BANP: variants seen among roughly 807,000 people sequenced by gnomAD.
BANP encodes BTG3 associated nuclear protein, also known as protein BANP.
In BANP, 11 loss-of-function variants were observed where a neutral mutation model predicts 68.1. That is an observed-to-expected ratio of 0.16 (90% CI 0.10 to 0.27). The LOEUF (loss-of-function observed/expected upper bound fraction) is 0.27, where lower values mean the gene tolerates loss of function less well. Ranked by LOEUF, BANP falls within the 10% of genes least tolerant of loss-of-function variation. BANP has a pLI of 1.00. For synonymous variants in BANP, 329 were observed against 303.2 expected (o/e 1.09, Z -0.88); for missense variants, 504 against 722.7 (o/e 0.70, Z 3.47).
At chr16:88,006,029 C>T in intron 5 of BANP, 61 bp from the exon 6 acceptor site, 8 of 1,608,912 alleles carry the variant, frequency 5.0e-6, no homozygotes, top group East Asian at 2.2e-5. Context: ...AAAGCGCTGA[C>T]CTTCGCGTGC....
At chr16:87,961,469 C>G (rs2059142673) in intron 1 of BANP, among the ~76,000 whole-genome samples, 2 of 148,606 alleles carry the variant, frequency 1.3e-5, no homozygotes, top group African/African-American at 4.9e-5. Context: ...CCTGGTGAGG[C>G]TGCCTTTTTG....
chr16:87,950,389 C>G (rs2056697754), upstream of BANP: 1 of 151,974 alleles, frequency 6.6e-6, no homozygotes, highest in Non-Finnish European at 1.5e-5. Flanking sequence ...TGTGATTACC[C>G]ACAAACGCAC....
intron 7 of BANP, among the ~76,000 whole-genome samples, chr16:88,024,124 G>T (rs1398991345): frequency 2.0e-5 from 3 of 152,208 alleles, no homozygotes; most frequent in African/African-American, 7.2e-5. Flanking sequence ...GGCTGCAGGT[G>T]CCTTGGGCTG....
intron 1 of BANP, among the ~76,000 whole-genome samples, chr16:87,967,003 A>T (rs533500383): frequency 3.2e-4 from 48 of 152,216 alleles, no homozygotes; most frequent in African/African-American, 1.0e-3. Context: ...CACCAGCGGG[A>T]GGAGGAGCAC....
intron 11 of BANP, among the ~76,000 whole-genome samples, chr16:88,050,384 G>T (rs576394461): frequency 6.6e-6 from 1 of 152,134 alleles, no homozygotes; most frequent in African/African-American, 2.4e-5. Flanking sequence ...TTGAACTCCC[G>T]GGCTTAAGGA....
At chr16:88,008,644 A>G (rs927784327) in intron 6 of BANP, among the ~76,000 whole-genome samples, 1 of 152,346 alleles carries the variant, frequency 6.6e-6, no homozygotes, top group East Asian at 1.9e-4. Context: ...CTGTATCTAT[A>G]AGGAAAAATA....
At chr16:87,991,789 A>T (rs1598198016) in intron 4 of BANP, among the ~76,000 whole-genome samples, 2 of 152,096 alleles carry the variant, frequency 1.3e-5, no homozygotes, top group Admixed American at 6.5e-5. Context: ...TTTCTGTAGG[A>T]TTTTTTTAAA....
At chr16:88,070,550 A>T (rs549153408) in intron 12 of BANP, among the ~76,000 whole-genome samples, 115 of 152,236 alleles carry the variant, frequency 7.6e-4, no homozygotes, top group African/African-American at 2.6e-3. Flanking sequence ...TGTGCTCGCA[A>T]GTCGTGGCTG....
intron 8 of BANP, among the ~76,000 whole-genome samples, chr16:88,029,306 CAAAAAA>C (rs59989652): frequency 0.01 from 573 of 55,814 alleles, 2 homozygotes; most frequent in Middle Eastern, 0.048. Flanking sequence ...GACTGTATCT[CAAAAAA>C]AAAAAAAAAA....
At position 88,057,174 on chromosome 16, in the gene BANP, G is replaced by A. The variant is rs1206220867; in HGVS notation, c.1312-8093G>A. 1.3e-5 allele frequency among the ~76,000 whole-genome samples: 2 copies of A among 152,192 alleles called. No homozygotes were observed. The highest frequency in any genetic ancestry group is 1.5e-5 in the Non-Finnish European group (1 of 68,030). ...GCCTTTTCTGGTGGGCGGGCCTGCC[G>A]TGTTGTGGTGGGGAGCGACTTCACA... On this transcript the variant is annotated intron_variant, in intron 11 of 13. Transcript: ENST00000682872. The surrounding 1 kb of genome is among the most constrained non-coding windows in gnomAD (Gnocchi z 4.6).
Position 88,018,135 on chromosome 16 carries a change from G to C in BANP, c.656-293G>C, listed in dbSNP as rs2075016025. On this transcript the variant is annotated intron_variant, in intron 6 of 13. Transcript: ENST00000682872. The surrounding 1 kb of genome is among the most constrained non-coding windows in gnomAD (Gnocchi z 7.7). ...CGGTATTGCTGGGGTCCCGGGTCCA[G>C]GGTGAGCAGAGTGTGTGACCGTGTT... Among the ~76,000 whole-genome samples the C allele has an allele frequency of 6.6e-6, 1 of 152,110 alleles. No individual in the cohort carries two copies. Among genetic ancestry groups the C allele is most frequent in the African/African-American group, 2.4e-5 (1 of 41,418 alleles).
At chr16:88,045,209 G>C (rs1567857484) in intron 11 of BANP, among the ~76,000 whole-genome samples, 1 of 152,198 alleles carries the variant, frequency 6.6e-6, no homozygotes, top group Non-Finnish European at 1.5e-5. Context: ...TGTCACTTGG[G>C]CATTAGAATG....
At chr16:87,977,063 G>C (rs1426419252) in intron 2 of BANP, among the ~76,000 whole-genome samples, 2 of 152,140 alleles carry the variant, frequency 1.3e-5, no homozygotes, top group East Asian at 1.9e-4. Context: ...TCTTGATTTT[G>C]TTCCAACTCT....
intron 11 of BANP, among the ~76,000 whole-genome samples, chr16:88,056,626 C>T (rs547492220): frequency 2.0e-5 from 3 of 152,322 alleles, no homozygotes; most frequent in East Asian, 1.9e-4. Flanking sequence ...GCTCTGGTCA[C>T]GCTTCACGCT....
Position 88,064,255 on chromosome 16 carries a change from G to A in BANP, c.1312-1012G>A, listed in dbSNP as rs1013839269. Among the ~76,000 whole-genome samples the A allele has an allele frequency of 3.9e-4, 59 of 152,158 alleles. No individual in the cohort carries two copies. The highest frequency in any genetic ancestry group is 3.3e-3 in the Admixed American group (50 of 15,286). ...GCGGTGGATGTTGAGGCAGTTGTGCGTCCACGGCGGGGCCTGCCTCCGTGG... is the reference window on the plus strand; with the variant it reads ...GCGGTGGATGTTGAGGCAGTTGTGCATCCACGGCGGGGCCTGCCTCCGTGG... On this transcript the variant is annotated intron_variant, in intron 11 of 13. Transcript: ENST00000682872. This position sits in a 1 kb window ranked among gnomAD's most constrained non-coding sequence, Gnocchi z 4.5.
chr16:88,074,863 C>T (rs1336246300), intron 13 of BANP, among the ~76,000 whole-genome samples: 2 of 152,204 alleles, frequency 1.3e-5, no homozygotes, highest in Non-Finnish European at 2.9e-5. Context: ...GCCCCTCCTC[C>T]ATCCAGGGAA....
upstream of BANP, among the ~76,000 whole-genome samples, chr16:87,951,141 C>T (rs566618053): frequency 6.6e-6 from 1 of 152,214 alleles, no homozygotes; most frequent in African/African-American, 2.4e-5. Flanking sequence ...GGAGCTAATG[C>T]GTATTCATTC....
intron 1 of BANP, among the ~76,000 whole-genome samples, chr16:87,961,383 C>T (rs1434732217): frequency 2.7e-5 from 4 of 150,882 alleles, no homozygotes; most frequent in African/African-American, 7.3e-5. Flanking sequence ...GGGTTGGTCT[C>T]GAACTCCTGG....
intron 7 of BANP, 95 bp from the exon 8 acceptor site, chr16:88,027,388 A>G (rs2152715446): frequency 7.1e-7 from 1 of 1,412,358 alleles, no homozygotes; most frequent in Non-Finnish European, 9.8e-7. Context: ...TGCCTGGGTG[A>G]GGCCTCTTCA....
Sources: allele counts gnomAD v4.1 joint callset (sites outside exome capture counted in the v4.1 genomes callset), GRCh38; gene constraint gnomAD v4.1.1; non-coding constraint Gnocchi (gnomAD v3.1); transcripts MANE v1.5; gene names NCBI Gene and HGNC (gene_info 2026-07-23, HGNC 2026-07-21).